The following ENOX2 variants were observed in gnomAD, a reference collection of about 807,000 sequenced individuals.
ENOX2 encodes APK1 antigen.
ENOX2 carries 36 observed loss-of-function variants against 45.0 expected under a neutral mutation model. That is an observed-to-expected ratio of 0.80 (90% CI 0.61 to 1.06). The LOEUF is 1.06. ENOX2 is among the 50% of genes least tolerant of loss of function. ENOX2 has a pLI of 0.00. For synonymous variants in ENOX2, 174 were observed against 152.3 expected, an observed-to-expected ratio of 1.14 and a Z score of -1.05; for missense variants, 423 against 462.5, an observed-to-expected ratio of 0.91 and a Z score of 0.78.
chrX:130,863,102 T>C (rs1191221626), intron 2 of ENOX2, among the ~76,000 whole-genome samples: 4 of 112,061 alleles, frequency 3.6e-5, no homozygotes, highest in Non-Finnish European at 7.5e-5. Context: ...GTTTGCCTCT[T>C]ATAAAGCTTA....
intron 2 of ENOX2, among the ~76,000 whole-genome samples, chrX:130,891,403 T>C (rs1375269591): frequency 9.5e-6 from 1 of 105,643 alleles, no homozygotes; most frequent in Non-Finnish European, 1.9e-5. Flanking sequence ...GACAGTGATC[T>C]AGTATAGGCT....
At chrX:130,697,831 A>T (rs1029013685) in intron 4 of ENOX2, among the ~76,000 whole-genome samples, 7 of 112,185 alleles carry the variant, frequency 6.2e-5, no homozygotes, top group African/African-American at 2.3e-4. Flanking sequence ...TATTCCAGCT[A>T]GTTAACGTCA....
At chrX:130,710,475 C>T (rs2038161736) in intron 3 of ENOX2, among the ~76,000 whole-genome samples, 1 of 111,887 alleles carries the variant, frequency 8.9e-6, no homozygotes, top group Non-Finnish European at 1.9e-5. Context: ...TCATACCTGG[C>T]AGCAGGTAGT....
chrX:130,706,662 AAATT>A (rs1279704914), intron 3 of ENOX2, among the ~76,000 whole-genome samples: 1 of 112,026 alleles, frequency 8.9e-6, no homozygotes, highest in African/African-American at 3.2e-5. Context: ...AGAAATATTT[AAATT>A]AATAAAGAAA....
At chrX:130,821,097 T>C (rs1258747340) in intron 2 of ENOX2, among the ~76,000 whole-genome samples, 1 of 111,744 alleles carries the variant, frequency 8.9e-6, no homozygotes, top group Non-Finnish European at 1.9e-5. Context: ...AAAAATAAAA[T>C]TTTTTTTAAA....
chrX:130,766,715 C>G (rs1322202279), intron 3 of ENOX2, among the ~76,000 whole-genome samples: 2 of 111,742 alleles, frequency 1.8e-5, no homozygotes, highest in Non-Finnish European at 3.8e-5. Context: ...ATCTGACATG[C>G]TACCTCTGTC....
intron 12 of ENOX2, among the ~76,000 whole-genome samples, chrX:130,632,748 G>C (rs1170019908): frequency 1.8e-5 from 2 of 112,010 alleles, no homozygotes; most frequent in African/African-American, 6.5e-5. Flanking sequence ...AAGACATGTT[G>C]TTGTGTGAAT....
At chrX:130,868,589 T>C (rs1369999261) in intron 2 of ENOX2, among the ~76,000 whole-genome samples, 2 of 112,209 alleles carry the variant, frequency 1.8e-5, no homozygotes, top group Non-Finnish European at 3.8e-5. Flanking sequence ...ACCATTATCT[T>C]TGGTCACTTC....
At chrX:130,712,663 G>A (rs967624922) in intron 3 of ENOX2, among the ~76,000 whole-genome samples, 3 of 111,518 alleles carry the variant, frequency 2.7e-5, no homozygotes, top group African/African-American at 9.8e-5. Flanking sequence ...CAAGGGAAAC[G>A]GGATGCAAGA....
intron 3 of ENOX2, among the ~76,000 whole-genome samples, chrX:130,764,521 G>A (rs1301996218): frequency 9.4e-6 from 1 of 106,612 alleles, no homozygotes; most frequent in African/African-American, 3.4e-5. Context: ...TTTTGATGGT[G>A]GGAAAAGAAG....
intron 3 of ENOX2, among the ~76,000 whole-genome samples, chrX:130,744,562 T>C (rs2039056994): frequency 8.9e-6 from 1 of 112,451 alleles, no homozygotes. Context: ...GAAAATAGCA[T>C]ATGCTGCATT....
chrX:130,744,119 A>G (rs183597684), intron 3 of ENOX2, among the ~76,000 whole-genome samples: 3 of 112,191 alleles, frequency 2.7e-5, no homozygotes, highest in South Asian at 3.8e-4. Flanking sequence ...GCTACACTGT[A>G]AAGCAGGGAT....
At chrX:130,830,301 A>G (rs1307455667) in intron 2 of ENOX2, among the ~76,000 whole-genome samples, 1 of 111,764 alleles carries the variant, frequency 8.9e-6, no homozygotes, top group Non-Finnish European at 1.9e-5. Flanking sequence ...ATCTCTGCTC[A>G]ACAATGCTAC....
chrX:130,870,619 C>G (rs748984360), intron 2 of ENOX2, among the ~76,000 whole-genome samples: 5 of 111,279 alleles, frequency 4.5e-5, no homozygotes, highest in Non-Finnish European at 7.6e-5. Context: ...CCTGATGTTA[C>G]AAGGAGAAAG....
intron 3 of ENOX2, among the ~76,000 whole-genome samples, chrX:130,764,037 C>T (rs953502310): frequency 7.2e-5 from 8 of 110,578 alleles, no homozygotes; most frequent in African/African-American, 2.6e-4. Context: ...TTTTTTTCAA[C>T]TCCAAGTACG....
At chrX:130,875,176 T>C (rs2078672781) in intron 2 of ENOX2, among the ~76,000 whole-genome samples, 1 of 111,362 alleles carries the variant, frequency 9.0e-6, no homozygotes, top group South Asian at 3.8e-4. Flanking sequence ...TCACCTCTCA[T>C]GGGATCTTAT....
chrX:130,709,890 T>C (rs2038144462), intron 3 of ENOX2, among the ~76,000 whole-genome samples: 1 of 109,524 alleles, frequency 9.1e-6, no homozygotes, highest in Non-Finnish European at 1.9e-5. Context: ...ACATTAGGTA[T>C]TTCTCCTAAT....
intron 2 of ENOX2, among the ~76,000 whole-genome samples, chrX:130,803,760 T>C (rs1437964711): frequency 8.9e-6 from 1 of 112,205 alleles, no homozygotes; most frequent in Non-Finnish European, 1.9e-5. Context: ...TTCCACAGCA[T>C]ATTACTGAAA....
chrX:130,654,734 G>C (rs1456112347), intron 10 of ENOX2, among the ~76,000 whole-genome samples: 1 of 112,332 alleles, frequency 8.9e-6, no homozygotes, highest in Admixed American at 9.4e-5. Context: ...AGCTTTATTT[G>C]CCAAAGCAGC....
Sources: allele counts gnomAD v4.1 joint callset (sites outside exome capture counted in the v4.1 genomes callset), GRCh38; gene constraint gnomAD v4.1.1; transcripts MANE v1.5; gene names NCBI Gene and HGNC (gene_info 2026-07-23, HGNC 2026-07-21).